Variants in SUPT16H observed in about 807,000 individuals in gnomAD.
The protein encoded by SUPT16H is FACT complex subunit SPT16.
In SUPT16H, 24 loss-of-function variants were observed where a neutral mutation model predicts 136.2. The ratio of observed to expected loss-of-function variants is 0.18; its 90% CI spans 0.13 to 0.25. SUPT16H has a LOEUF of 0.25. Among genes scored for constraint, SUPT16H ranks in the 10% least tolerant of loss-of-function variants. The pLI, the probability that SUPT16H is intolerant of heterozygous loss-of-function variation, is 1.00. For missense variants in SUPT16H, 623 were observed against 1,270.2 expected (o/e 0.49, Z 7.74); for synonymous variants, 415 against 428.2 (o/e 0.97, Z 0.38).
Position 21,359,584 on chromosome 14 carries a change from C to T in SUPT16H, c.2201G>A (p.Arg734Gln). 1.2e-6 allele frequency: 2 copies of T among 1,613,616 alleles called. No individual in the cohort carries two copies. Among genetic ancestry groups the T allele is most frequent in the Non-Finnish European group, 1.7e-6 (2 of 1,179,878 alleles). Reference protein sequence around the residue: ...LKNAIMFGKKRHTDVQFYTEV... With the variant: ...LKNAIMFGKKQHTDVQFYTEV... ...TGTGTAGAACTGCACATCCGTGTGC[C>T]GCTTCTTCCCAAACATGATGGCATT... Residue 734 changes from arginine (R) to glutamine (Q), a missense_variant, in exon 19 of 26, where the codon CGG (arginine) becomes CAG (glutamine). Physicochemically the swap from Arg to Gln is conservative, Grantham distance 43. Around this residue, in one of 7 missense-constraint regions of SUPT16H, gnomAD observed 21 missense variants for 140.3 expected, o/e 0.15. Coordinates refer to ENST00000216297, the MANE Select transcript of SUPT16H (RefSeq NM_007192.4).
chr14:21,378,929 G>A (rs949783118), intron 1 of SUPT16H, among the ~76,000 whole-genome samples: 2 of 152,248 alleles, frequency 1.3e-5, no homozygotes, highest in East Asian at 3.9e-4. Flanking sequence ...AAATTGTGAA[G>A]GTGGTATCTG....
At chr14:21,368,169 T>G in intron 7 of SUPT16H, 100 bp downstream of exon 7, 1 of 1,249,540 alleles carries the variant, frequency 8.0e-7, no homozygotes, top group Non-Finnish European at 1.1e-6. Context: ...TCCTCCTGCC[T>G]CGGCCTCCCA....
intron 1 of SUPT16H, among the ~76,000 whole-genome samples, chr14:21,380,444 C>T (rs1381714351): frequency 1.3e-5 from 2 of 151,908 alleles, no homozygotes; most frequent in African/African-American, 2.4e-5. Context: ...TTTTTAAAAT[C>T]CTTCCTGAGC....
intron 19 of SUPT16H, among the ~76,000 whole-genome samples, chr14:21,358,755 T>A (rs767870914): frequency 6.6e-6 from 1 of 152,236 alleles, no homozygotes; most frequent in Non-Finnish European, 1.5e-5. Flanking sequence ...TAATACCCTA[T>A]CTCAGCAGAT....
Position 21,357,191 on chromosome 14 carries a change from A to G in SUPT16H, c.2660+6T>C. 6.3e-7 allele frequency: 1 copy of G among 1,579,564 alleles called. No homozygotes were observed. Among genetic ancestry groups the G allele is most frequent in the East Asian group, 2.3e-5 (1 of 44,078 alleles). On this transcript the variant is annotated splice_donor_region_variant and intron_variant, in intron 22 of 25. Coordinates refer to ENST00000216297, the MANE Select transcript of SUPT16H (RefSeq NM_007192.4). Reference sequence around the variant, plus strand: ...TAAATGGGAGACTGATGGCAGATTTACTTACTTCAACCATTCCTTGATGGG... The same window carrying G: ...TAAATGGGAGACTGATGGCAGATTTGCTTACTTCAACCATTCCTTGATGGG...
intron 7 of SUPT16H, 132 bp downstream of exon 7, chr14:21,368,137 T>C: frequency 1.1e-6 from 1 of 912,338 alleles, no homozygotes; most frequent in Non-Finnish European, 1.6e-6. Flanking sequence ...CAGGCTGGTC[T>C]TGAACTCCTG....
intron 3 of SUPT16H, 32 bp from the exon 4 acceptor site, chr14:21,370,520 ATG>A: frequency 6.2e-7 from 1 of 1,609,542 alleles, no homozygotes; most frequent in South Asian, 1.1e-5. Flanking sequence ...AAAGACACAT[ATG>A]TTTTACCAGT....
chr14:21,382,790 G>T (rs527843974), intron 1 of SUPT16H, among the ~76,000 whole-genome samples: 2 of 152,138 alleles, frequency 1.3e-5, no homozygotes, highest in South Asian at 4.2e-4. Flanking sequence ...TTCATAAAAT[G>T]CAAGAGAATC....
rs1489870219 is a variant in SUPT16H, at chr14:21,352,222, T to TA, written c.*450dup. The TA allele has an allele frequency of 4.2e-5, 7 of 167,850 alleles. No homozygotes were observed. Among genetic ancestry groups the TA allele is most frequent in the South Asian group, 1.4e-4 (1 of 6,996 alleles). The allele number at this position is 167,850 out of a possible 1,614,324, so 10.4% of individuals were successfully genotyped here. A position where few individuals can be genotyped will look rare whatever the true frequency, so the allele number is the denominator to read the frequency against. On this transcript the variant is annotated 3_prime_UTR_variant, in exon 26 of 26. Coordinates refer to ENST00000216297, the MANE Select transcript of SUPT16H (RefSeq NM_007192.4). ...CCTTGAGTATTGCAAAGATAAAACT[T>TA]AGAGATGTGCGGAAGGTCATGGCAG...
At chr14:21,380,367 C>T (rs1030605262) in intron 1 of SUPT16H, among the ~76,000 whole-genome samples, 7 of 139,870 alleles carry the variant, frequency 5.0e-5, no homozygotes, top group African/African-American at 1.3e-4. Context: ...AACTCCTGGA[C>T]TCAAGCAATC....
intron 15 of SUPT16H, among the ~76,000 whole-genome samples, chr14:21,361,648 A>G (rs1370977863): frequency 6.6e-6 from 1 of 152,146 alleles, no homozygotes; most frequent in African/African-American, 2.4e-5. Context: ...CAAATCTGGT[A>G]TAACATCCCC....
intron 24 of SUPT16H, 52 bp from the exon 25 acceptor site, chr14:21,353,617 GAC>G: frequency 6.2e-7 from 1 of 1,606,028 alleles, no homozygotes. Flanking sequence ...AGAATGGAAC[GAC>G]AGAGTTCTTA....
chr14:21,361,412 G>GC (rs1466741980), intron 15 of SUPT16H, 199 bp from the exon 16 acceptor site: 198 of 629,586 alleles, frequency 3.1e-4, no homozygotes, highest in Non-Finnish European at 4.9e-4. Flanking sequence ...CGCCTCCTGG[G>GC]TTCAAGCCAT....
chr14:21,358,274 A>C (rs1260041628), intron 20 of SUPT16H, 41 bp downstream of exon 20: 2 of 1,224,892 alleles, frequency 1.6e-6, no homozygotes, highest in African/African-American at 1.5e-5. Context: ...GTACCAAAAG[A>C]CAGACCAGTC....
chr14:21,359,365 G>A (rs1032879270), intron 19 of SUPT16H, 119 bp downstream of exon 19: 26 of 1,421,748 alleles, frequency 1.8e-5, no homozygotes, highest in East Asian at 1.2e-4. Flanking sequence ...CAAAGTGCTG[G>A]GATTACAGGC....
chr14:21,362,230 A>C lies in SUPT16H; in HGVS notation c.1760T>G (p.Phe587Cys). 1 of 1,612,728 alleles carries C rather than the reference A, an allele frequency of 6.2e-7. No homozygotes were observed. The highest frequency in any genetic ancestry group is 8.5e-7 in the Non-Finnish European group (1 of 1,179,964). ...SALGRNEGNI[F>C]PNPEATFVKE... Reference sequence around the variant, plus strand: ...GACAAAAGTCGCTTCAGGGTTAGGAAAGATGTTGCCTTCATTCCTGCCCAG... The same window carrying C: ...GACAAAAGTCGCTTCAGGGTTAGGACAGATGTTGCCTTCATTCCTGCCCAG... The change falls in exon 15 of 26, where the codon TTT becomes TGT. Residue 587 changes from phenylalanine to cysteine, a missense_variant. Transcript: ENST00000216297.
intron 12 of SUPT16H, 29 bp downstream of exon 12, chr14:21,363,204 A>T (rs1406312300): frequency 6.2e-7 from 1 of 1,614,100 alleles, no homozygotes; most frequent in Non-Finnish European, 8.5e-7. Context: ...GACAGCCGAG[A>T]TCAATGTAAT....
chr14:21,362,135 T>C, intron 15 of SUPT16H, 62 bp downstream of exon 15: 1 of 1,543,682 alleles, frequency 6.5e-7, no homozygotes, highest in Non-Finnish European at 8.7e-7. Flanking sequence ...GACAATGAAA[T>C]GTTTCTGAGA....
chr14:21,355,603 G>A (rs1886416804), intron 22 of SUPT16H, among the ~76,000 whole-genome samples: 1 of 149,676 alleles, frequency 6.7e-6, no homozygotes, highest in Admixed American at 6.7e-5. Flanking sequence ...GCTTTCCTAT[G>A]TGTTGTTTAT....
Sources: allele counts gnomAD v4.1 joint callset (sites outside exome capture counted in the v4.1 genomes callset), GRCh38; gene constraint gnomAD v4.1.1; regional missense constraint gnomAD v4.1.1; transcripts MANE v1.5; gene names NCBI Gene and HGNC (gene_info 2026-07-23, HGNC 2026-07-21).